The following TLK1 variants were observed in gnomAD, a reference collection of about 807,000 sequenced individuals.
TLK1 encodes the protein serine/threonine-protein kinase tousled-like 1.
In TLK1, 24 loss-of-function variants were observed where a neutral mutation model predicts 105.3. The observed-to-expected ratio is 0.23, with a 90% CI of 0.17 to 0.32. The LOEUF (loss-of-function observed/expected upper bound fraction) is 0.32, where lower values mean the gene tolerates loss of function less well. Among genes scored for constraint, TLK1 ranks in the 10% least tolerant of loss-of-function variants. The pLI, the probability that TLK1 is intolerant of heterozygous loss-of-function variation, is 1.00. For synonymous variants in TLK1, 321 were observed against 310.4 expected, an observed-to-expected ratio of 1.03 and a Z score of -0.36; for missense variants, 558 against 910.5, an observed-to-expected ratio of 0.61 and a Z score of 4.98.
chr2:171,222,635 T>C (rs1693829247), intron 1 of TLK1, among the ~76,000 whole-genome samples: 1 of 152,070 alleles, frequency 6.6e-6, no homozygotes, highest in South Asian at 2.1e-4. Flanking sequence ...ATAGTTTACA[T>C]ATTTATGGGG....
At chr2:171,198,242 A>G (rs779904290) in intron 1 of TLK1, among the ~76,000 whole-genome samples, 1 of 152,216 alleles carries the variant, frequency 6.6e-6, no homozygotes. Context: ...AATACATTAT[A>G]AATGTATTTG....
intron 1 of TLK1, among the ~76,000 whole-genome samples, chr2:171,135,368 AAATG>A (rs1365526737): frequency 6.6e-6 from 1 of 151,474 alleles, no homozygotes; most frequent in Non-Finnish European, 1.5e-5. Flanking sequence ...TGTACCCCAT[AAATG>A]TATACAATTA....
intron 1 of TLK1, among the ~76,000 whole-genome samples, chr2:171,209,782 G>A (rs1558992000): frequency 6.6e-6 from 1 of 152,112 alleles, no homozygotes; most frequent in African/African-American, 2.4e-5. Context: ...GAGAGAAAAC[G>A]GTCATCTACA....
At chr2:171,086,273 A>T (rs994791853) in intron 2 of TLK1, among the ~76,000 whole-genome samples, 8 of 152,236 alleles carry the variant, frequency 5.3e-5, no homozygotes, top group Non-Finnish European at 1.2e-4. Flanking sequence ...AAAGGATTTA[A>T]AAAAGCCACT....
intron 18 of TLK1, 44 bp from the exon 19 acceptor site, chr2:170,997,867 T>C: frequency 8.3e-7 from 1 of 1,211,580 alleles, no homozygotes; most frequent in Non-Finnish European, 1.2e-6. Context: ...ACTGACAATC[T>C]GTAACTTAAA....
intron 3 of TLK1, among the ~76,000 whole-genome samples, chr2:171,078,594 T>C (rs1310228945): frequency 6.6e-6 from 1 of 152,144 alleles, no homozygotes; most frequent in Non-Finnish European, 1.5e-5. Flanking sequence ...TGCAAAATTC[T>C]ACCCCAGACC....
intron 1 of TLK1, among the ~76,000 whole-genome samples, chr2:171,225,456 A>G (rs887497309): frequency 2.0e-5 from 3 of 152,158 alleles, no homozygotes; most frequent in Non-Finnish European, 2.9e-5. Context: ...TAAGGGGAAA[A>G]AAAAGGAAAA....
At chr2:171,006,320 C>T in intron 17 of TLK1, 38 bp from the exon 18 acceptor site, 1 of 1,533,672 alleles carries the variant, frequency 6.5e-7, no homozygotes. Context: ...ATGATACATA[C>T]ATGAAAAACA....
chr2:171,140,140 TAAAG>T (rs1691512392), intron 1 of TLK1, among the ~76,000 whole-genome samples: 2 of 151,936 alleles, frequency 1.3e-5, no homozygotes, highest in African/African-American at 2.4e-5. Context: ...AAAAGGAAGA[TAAAG>T]AGAGTGAGAG....
intron 1 of TLK1, among the ~76,000 whole-genome samples, chr2:171,207,469 C>A (rs1693526970): frequency 1.3e-5 from 2 of 152,062 alleles, no homozygotes; most frequent in African/African-American, 4.8e-5. Context: ...TTGTTCAAAC[C>A]CATAGAATGT....
chr2:171,122,904 T>C (rs181900819), intron 1 of TLK1, among the ~76,000 whole-genome samples: 259 of 151,968 alleles, frequency 1.7e-3, no homozygotes, highest in Middle Eastern at 6.8e-3. Context: ...CCAGGTGTGG[T>C]GGCGGATGCC....
chr2:171,006,226 C>CA lies in TLK1; in HGVS notation c.1824dup (p.Gly609TrpfsTer8). 6.2e-7 allele frequency: 1 copy of CA among 1,610,404 alleles called. No individual in the cohort carries two copies. Among genetic ancestry groups the CA allele is most frequent in the Non-Finnish European group, 8.5e-7 (1 of 1,178,620 alleles). ...TCATCATCCATAATCTTGGACAGAC[C>CA]AAAATCAGTGATTTTGATTTCACCA... On this transcript the variant is annotated frameshift_variant, in exon 18 of 21. Coordinates refer to ENST00000431350, the MANE Select transcript of TLK1 (RefSeq NM_012290.5). LOFTEE classifies it high-confidence loss of function.
intron 2 of TLK1, among the ~76,000 whole-genome samples, chr2:171,108,086 C>CAACAAA (rs1690011045): frequency 1.4e-5 from 2 of 145,630 alleles, no homozygotes; most frequent in African/African-American, 2.5e-5. Flanking sequence ...ACAACAACAA[C>CAACAAA]AAAAAAACAG....
intron 1 of TLK1, among the ~76,000 whole-genome samples, chr2:171,156,335 T>C (rs1262010991): frequency 1.3e-5 from 2 of 152,230 alleles, no homozygotes; most frequent in Non-Finnish European, 2.9e-5. Context: ...TTAGGACATA[T>C]TTATTCTTCA....
At chr2:171,114,276 A>C (rs574267552) in intron 2 of TLK1, among the ~76,000 whole-genome samples, 3 of 152,174 alleles carry the variant, frequency 2.0e-5, no homozygotes, top group Admixed American at 1.3e-4. Flanking sequence ...CCTAAACTCC[A>C]GAGCCTGTGA....
At chr2:171,168,654 CTT>C (rs1481600304) in intron 1 of TLK1, among the ~76,000 whole-genome samples, 1 of 152,132 alleles carries the variant, frequency 6.6e-6, no homozygotes, top group African/African-American at 2.4e-5. Context: ...CTAAAACAGA[CTT>C]TAGCTATAGA....
rs1354287919 is a variant in TLK1 at position 171,049,962 on chromosome 2, A to G, written c.844-12T>C. The G allele has an allele frequency of 6.2e-6, 10 of 1,611,228 alleles. No individual in the cohort carries two copies. The highest frequency in any genetic ancestry group is 3.3e-5 in the Admixed American group (2 of 59,786). On this transcript the variant is annotated splice_polypyrimidine_tract_variant and intron_variant, in intron 9 of 20. Coordinates refer to ENST00000431350, the MANE Select transcript of TLK1 (RefSeq NM_012290.5). ...TTTTCTTGTGTACTCTGAAAAGGAG[A>G]AAAAAAATCATCACTCAATTGTATT... is the stretch of plus-strand genomic sequence containing the variant.
intron 1 of TLK1, among the ~76,000 whole-genome samples, chr2:171,199,289 T>C (rs1294487054): frequency 5.3e-5 from 8 of 152,112 alleles, no homozygotes; most frequent in Admixed American, 2.6e-4. Flanking sequence ...GGTGAAAGGA[T>C]TGCTTGAGCC....
At chr2:171,222,542 G>A (rs1298413930) in intron 1 of TLK1, among the ~76,000 whole-genome samples, 1 of 151,988 alleles carries the variant, frequency 6.6e-6, no homozygotes, top group African/African-American at 2.4e-5. Context: ...ATGTTGCTCA[G>A]GCTAGTCTTG....
Sources: allele counts gnomAD v4.1 joint callset (sites outside exome capture counted in the v4.1 genomes callset), GRCh38; gene constraint gnomAD v4.1.1; transcripts MANE v1.5; gene names NCBI Gene and HGNC (gene_info 2026-07-23, HGNC 2026-07-21).